Variants in NDRG1 observed in about 807,000 individuals in gnomAD.
NDRG1 encodes the protein N-myc downstream regulated 1.
In NDRG1, 32 loss-of-function variants were observed where a neutral mutation model predicts 56.9. That is an observed-to-expected ratio of 0.56 (90% CI 0.42 to 0.76). The LOEUF (loss-of-function observed/expected upper bound fraction) is 0.76, where lower values mean the gene tolerates loss of function less well. Among genes scored for constraint, NDRG1 ranks in the 30% least tolerant of loss-of-function variants. The pLI, the probability that NDRG1 is intolerant of heterozygous loss-of-function variation, is 0.00. For missense variants in NDRG1, 507 were observed against 545.7 expected, an observed-to-expected ratio of 0.93 and a Z score of 0.71; for synonymous variants, 211 against 204.1, an observed-to-expected ratio of 1.03 and a Z score of -0.29.
chr8:133,264,775 G>A, intron 3 of NDRG1, 123 bp from the exon 4 acceptor site: 1 of 829,928 alleles, frequency 1.2e-6, no homozygotes, highest in African/African-American at 1.7e-5. Flanking sequence ...GGCCATAAGA[G>A]CCCCGGCTTC....
chr8:133,243,896 A>G (rs1249507385), intron 14 of NDRG1, among the ~76,000 whole-genome samples: 13 of 152,212 alleles, frequency 8.5e-5, no homozygotes, highest in Admixed American at 8.5e-4. Context: ...GTTTATTTGT[A>G]CATGTGCACA....
Position 133,280,237 on chromosome 8 carries a change from C to G in NDRG1, c.94G>C (p.Val32Leu), listed in dbSNP as rs772256457. 1 of 1,614,088 alleles carries G rather than the reference C, an allele frequency of 6.2e-7. No individual in the cohort carries two copies. Among genetic ancestry groups the G allele is most frequent in the South Asian group, 1.1e-5 (1 of 91,072 alleles). ...AAGCCACATCCTCTACTTGCCTGGA[C>G]ATCAAACTCTTGCAGGAGGCCGGTG... is the stretch of plus-strand genomic sequence containing the variant. Reference protein sequence around the residue: ...TITGLLQEFDVQEQDIETLHG... With the variant: ...TITGLLQEFDLQEQDIETLHG... Residue 32 changes from valine (V) to leucine (L), a missense_variant, in exon 3 of 16, where the codon GTC becomes CTC. Val to Leu is a conservative substitution (Grantham distance 32). Coordinates refer to ENST00000323851, the MANE Select transcript of NDRG1 (RefSeq NM_006096.4).
At chr8:133,271,806 A>AAAAAAG (rs1857202114) in intron 3 of NDRG1, among the ~76,000 whole-genome samples, 10 of 124,274 alleles carry the variant, frequency 8.0e-5, no homozygotes, top group Admixed American at 7.4e-4. Flanking sequence ...AAAAAAAAAA[A>AAAAAAG]GGAGTAAAGA....
At position 133,262,027 on chromosome 8, in the gene NDRG1, T is replaced by C. The variant is rs1024790825; in HGVS notation, c.326+20A>G. On this transcript the variant is annotated intron_variant, in intron 5 of 15. Transcript: ENST00000323851. ...CCCAGTTTCCACCCTGTAGAGCTCATAGGGCAAGAGGCCTCTCACCCTGCG... is the reference window on the plus strand; with the variant it reads ...CCCAGTTTCCACCCTGTAGAGCTCACAGGGCAAGAGGCCTCTCACCCTGCG... 9.4e-6 allele frequency: 15 copies of C among 1,600,596 alleles called. No homozygotes were observed. The highest frequency in any genetic ancestry group is 5.6e-5 in the South Asian group (5 of 89,802).
rs368682460 is a variant in NDRG1, at chr8:133,250,381, C to T, written c.698+59G>A. ...TCTCCCTCTCATCTGTCCCACATTT[C>T]GGATCTACAGAAGACACCTCATAAA... On this transcript the variant is annotated intron_variant, in intron 10 of 15. Coordinates refer to ENST00000323851, the MANE Select transcript of NDRG1 (RefSeq NM_006096.4). 4.1e-4 allele frequency: 595 copies of T among 1,434,464 alleles called. 6 individuals carry two copies. In the African/African-American group the frequency reaches 7.2e-3, roughly 17 times the overall value. The allele number at this position is 1,434,464 out of a possible 1,614,324, so 88.9% of individuals were successfully genotyped here.
chr8:133,296,727 A>ACACG (rs1217874687), intron 1 of NDRG1: 2 of 290,666 alleles, frequency 6.9e-6, no homozygotes, highest in South Asian at 4.9e-5. Context: ...ACACACACAC[A>ACACG]CACACTCACC....
At chr8:133,240,148 T>C (rs576279908) in intron 15 of NDRG1, 3 of 152,344 alleles carry the variant, frequency 2.0e-5, no homozygotes, top group South Asian at 4.1e-4. Flanking sequence ...TTTTGGACTT[T>C]AGGCCTCCTG....
intron 1 of NDRG1, chr8:133,284,759 C>T (rs957686901): frequency 3.5e-5 from 16 of 458,762 alleles, no homozygotes; most frequent in Non-Finnish European, 5.7e-5. Flanking sequence ...ATGCTTACCA[C>T]GTATAGGCAT....
intron 5 of NDRG1, 50 bp downstream of exon 5, chr8:133,261,997 C>A: frequency 6.5e-7 from 1 of 1,540,514 alleles, no homozygotes; most frequent in South Asian, 1.2e-5. Context: ...AACCCCTCCC[C>A]GACACCCAGT....
rs533964365 is a variant in NDRG1, at chr8:133,280,411, G to T, written c.64-144C>A. The T allele has an allele frequency of 4.7e-5, 34 of 728,228 alleles. No homozygotes were observed. In the African/African-American group the frequency reaches 5.8e-4, roughly 12 times the overall value. The allele number at this position is 728,228 out of a possible 1,614,324, so 45.1% of individuals were successfully genotyped here. ...GTCTCCTTAATTCCTCACAAAGGCAGGCTTTCCTTTTCTCTTTTTTTTTTT... is the reference window on the plus strand; with the variant it reads ...GTCTCCTTAATTCCTCACAAAGGCATGCTTTCCTTTTCTCTTTTTTTTTTT... On this transcript the variant is annotated intron_variant, in intron 2 of 15. Transcript: ENST00000323851.
chr8:133,290,172 G>A (rs1216557526), intron 1 of NDRG1, among the ~76,000 whole-genome samples: 1 of 152,064 alleles, frequency 6.6e-6, no homozygotes, highest in African/African-American at 2.4e-5. Flanking sequence ...ACCCTCTTGA[G>A]CAAACTCTCC....
At position 133,247,895 on chromosome 8, in the gene NDRG1, A is replaced by T; in HGVS notation, c.787T>A (p.Ser263Thr). 1 of 1,614,108 alleles carries T rather than the reference A, an allele frequency of 6.2e-7. No individual in the cohort carries two copies. Among genetic ancestry groups the T allele is most frequent in the Non-Finnish European group, 8.5e-7 (1 of 1,180,034 alleles). ...CPALLVVGDS[S>T]PAVDAVVECN... is the part of the protein sequence containing the mutation. ...CATACCACGGCATCCACTGCAGGCG[A>T]GCTGTCCCCAACCACCAACAGAGCA... The change falls in exon 12 of 16, where the codon TCG (serine) becomes ACG (threonine). Residue 263 changes from serine to threonine, a missense_variant. Transcript: ENST00000323851.
chr8:133,239,516 CACT>C, intron 15 of NDRG1: 1 of 309,900 alleles, frequency 3.2e-6, no homozygotes, highest in East Asian at 6.7e-5. Context: ...TGTCCATGAT[CACT>C]GGAGCAGGGA....
intron 3 of NDRG1, among the ~76,000 whole-genome samples, chr8:133,279,365 G>A (rs1586479850): frequency 1.3e-5 from 2 of 152,264 alleles, no homozygotes. Context: ...AAGATTCCTC[G>A]CCTCGGGATG....
chr8:133,267,103 C>CCCAGG (rs1856959744), intron 3 of NDRG1, among the ~76,000 whole-genome samples: 1 of 152,134 alleles, frequency 6.6e-6, no homozygotes, highest in Non-Finnish European at 1.5e-5. Context: ...GCCAGCCAGC[C>CCCAGG]CCAGGCCACC....
intron 3 of NDRG1, among the ~76,000 whole-genome samples, chr8:133,270,263 C>G (rs905480374): frequency 6.6e-6 from 1 of 152,202 alleles, no homozygotes. Flanking sequence ...GGAAACAGGA[C>G]CTAACACCAA....
chr8:133,241,938 G>A, intron 15 of NDRG1, 85 bp downstream of exon 15: 3 of 1,497,240 alleles, frequency 2.0e-6, no homozygotes, highest in Non-Finnish European at 2.8e-6. Context: ...ACACAGAATT[G>A]CTCATCCAAA....
rs1410976459 is a variant in NDRG1 at position 133,256,788 on chromosome 8, C to T, written c.526G>A (p.Ala176Thr). Residue 176 changes from alanine to threonine, a missense_variant, in exon 8 of 16, where the codon GCC becomes ACC. Physicochemically the swap from Ala to Thr is moderately conservative, Grantham distance 58. Coordinates refer to ENST00000323851, the MANE Select transcript of NDRG1 (RefSeq NM_006096.4). ...GGCCCCCACCTCACCTTGGAGGCGG[C>T]CCAGTCCATCCAGCCTTCCGCACAA... The part of the protein sequence containing the change: ...NPCAEGWMDW[A>T]ASKISGWTQA... 6.2e-7 allele frequency: 1 copy of T among 1,614,114 alleles called. No homozygotes were observed. The highest frequency in any genetic ancestry group is 2.2e-5 in the East Asian group (1 of 44,874).
At chr8:133,265,069 A>C in intron 3 of NDRG1, 6 of 244,504 alleles carry the variant, frequency 2.5e-5, no homozygotes, top group Non-Finnish European at 5.0e-5. Context: ...CACAGAATTC[A>C]CTCCCCACTT....
Sources: gnomAD v4.1 joint callset for allele counts (sites outside exome capture counted in the v4.1 genomes callset) on GRCh38, gnomAD v4.1.1 for gene constraint, MANE v1.5 for transcripts, NCBI Gene and HGNC (gene_info 2026-07-23, HGNC 2026-07-21) for gene names.